The following PIPOX variants were observed in gnomAD, a reference collection of about 807,000 sequenced individuals.
The protein encoded by PIPOX is peroxisomal sarcosine oxidase.
Under a neutral mutation model 47.9 loss-of-function variants are expected in PIPOX, and 45 were observed. That is an observed-to-expected ratio of 0.94 (90% CI 0.74 to 1.20). PIPOX has a LOEUF of 1.20. Among genes scored for constraint, PIPOX ranks in the 50% most tolerant of loss-of-function variants. PIPOX has a pLI of 0.00. For missense variants in PIPOX, 458 were observed against 498.4 expected, an observed-to-expected ratio of 0.92 and a Z score of 0.77; for synonymous variants, 165 against 191.3, an observed-to-expected ratio of 0.86 and a Z score of 1.13.
intron 2 of PIPOX, among the ~76,000 whole-genome samples, chr17:29,048,748 G>A (rs2065794573): frequency 6.6e-6 from 1 of 152,226 alleles, no homozygotes. Context: ...TGTCTGGCTT[G>A]TCAGCCACAT....
intron 2 of PIPOX, among the ~76,000 whole-genome samples, chr17:29,051,446 T>C (rs1598238362): frequency 6.6e-6 from 1 of 152,140 alleles, no homozygotes; most frequent in African/African-American, 2.4e-5. Context: ...AAGCATGTAA[T>C]ATCCATGAGA....
intron 2 of PIPOX, 52 bp from the exon 3 acceptor site, chr17:29,052,868 A>G (rs770705232): frequency 8.5e-6 from 13 of 1,529,236 alleles, no homozygotes; most frequent in African/African-American, 1.4e-5. Flanking sequence ...TCGTCACATC[A>G]GGCCCAGGAT....
At chr17:29,048,817 G>A (rs1200569632) in intron 2 of PIPOX, among the ~76,000 whole-genome samples, 1 of 152,232 alleles carries the variant, frequency 6.6e-6, no homozygotes, top group Non-Finnish European at 1.5e-5. Flanking sequence ...AACGGAAGAT[G>A]AAATGCCTAG....
Position 29,056,356 on chromosome 17 carries a change from G to C in PIPOX, c.*51G>C. ...TGCACAGGAGCCAGTTTCACAGATGGAGAAGATGTCTCAGATGAAGGGAGT... is the reference window on the plus strand; with the variant it reads ...TGCACAGGAGCCAGTTTCACAGATGCAGAAGATGTCTCAGATGAAGGGAGT... On this transcript the variant is annotated 3_prime_UTR_variant, in exon 8 of 8. Transcript: ENST00000323372. The C allele has an allele frequency of 6.2e-7, 1 of 1,608,402 alleles. No homozygotes were observed. Among genetic ancestry groups the C allele is most frequent in the Non-Finnish European group, 8.5e-7 (1 of 1,175,408 alleles).
chr17:29,054,425 T>G, intron 4 of PIPOX, 120 bp from the exon 5 acceptor site: 52 of 964,706 alleles, frequency 5.4e-5, no homozygotes, highest in Middle Eastern at 2.2e-4. Flanking sequence ...CAAACATGGA[T>G]GAGTTCAACT....
At position 29,043,282 on chromosome 17, in the gene PIPOX, C is replaced by G; in HGVS notation, c.57C>G (p.Gly19=). Residue 19 remains glycine, a synonymous_variant, in exon 1 of 8, where the codon GGC becomes GGG. Transcript: ENST00000323372. ...DAIVIGAGIQ[G]CFTAYHLAKH... Reference sequence around the variant, plus strand: ...TTGTGATTGGGGCGGGGATCCAGGGCTGCTTCACTGCATACCACCTGGCCA... The same window carrying G: ...TTGTGATTGGGGCGGGGATCCAGGGGTGCTTCACTGCATACCACCTGGCCA... 1 of 1,613,810 alleles carries G rather than the reference C, an allele frequency of 6.2e-7. No homozygotes were observed. Among genetic ancestry groups the G allele is most frequent in the South Asian group, 1.1e-5 (1 of 91,044 alleles).
Position 29,054,562 on chromosome 17 carries a change from G to A in PIPOX, c.678G>A (p.Val226=), listed in dbSNP as rs943232291. Residue 226 remains valine, a synonymous_variant, in exon 5 of 8, where the codon GTG becomes GTA. Coordinates refer to ENST00000323372, the MANE Select transcript of PIPOX (RefSeq NM_016518.3). Reference sequence around the variant, plus strand: ...GCCTCAAGACCCTGCGGATCAACGTGTGTTACTGGCGAGAGATGGTTCCTG... The same window carrying A: ...GCCTCAAGACCCTGCGGATCAACGTATGTTACTGGCGAGAGATGGTTCCTG... ...EMPLQTLRIN[V]CYWREMVPGS... is the part of the protein sequence containing the mutation. 4.3e-6 allele frequency: 7 copies of A among 1,614,094 alleles called. No homozygotes were observed. The Admixed American group carries it at 5.0e-5, about 12-fold the overall frequency.
intron 3 of PIPOX, 90 bp downstream of exon 3, chr17:29,053,223 T>A: frequency 7.5e-7 from 1 of 1,338,054 alleles, no homozygotes. Context: ...CCCCTCTGGA[T>A]GAGGCCTTTG....
rs746843937 is a variant in PIPOX, at chr17:29,053,587, C to A, written c.652C>A (p.Pro218Thr). Residue 218 changes from proline (P) to threonine (T), a missense_variant, in exon 4 of 8, where the codon CCT (proline) becomes ACT (threonine). Pro to Thr is a conservative substitution (Grantham distance 38). Coordinates refer to ENST00000323372, the MANE Select transcript of PIPOX (RefSeq NM_016518.3). ...QLLRPLGIEM[P>T]LQTLRINVCY... ...CCTCCGTCCCCTGGGCATTGAGATG[C>A]CTCTCCAGGTAAGAGGAGCTGGAAG... 7 of 1,588,264 alleles carry A rather than the reference C, an allele frequency of 4.4e-6. No homozygotes were observed. The highest frequency in any genetic ancestry group is 6.0e-6 in the Non-Finnish European group (7 of 1,161,836).
At chr17:29,053,696 C>A (rs1284200952) in intron 4 of PIPOX, 101 bp downstream of exon 4, 1 of 805,760 alleles carries the variant, frequency 1.2e-6, no homozygotes, top group African/African-American at 1.7e-5. Flanking sequence ...TAGTGGACAA[C>A]CTTGGGCACA....
At chr17:29,049,777 T>G (rs981486178) in intron 2 of PIPOX, among the ~76,000 whole-genome samples, 2 of 152,226 alleles carry the variant, frequency 1.3e-5, no homozygotes, top group African/African-American at 4.8e-5. Context: ...TCAGCTGTGA[T>G]CCACGGAAAA....
intron 1 of PIPOX, among the ~76,000 whole-genome samples, chr17:29,043,809 T>G (rs973021454): frequency 5.3e-5 from 8 of 150,544 alleles, no homozygotes; most frequent in Non-Finnish European, 1.0e-4. Flanking sequence ...AAGCTTCTGT[T>G]TTTTTTTTTT....
At chr17:29,047,745 C>T (rs889885498) in intron 2 of PIPOX, among the ~76,000 whole-genome samples, 1 of 152,006 alleles carries the variant, frequency 6.6e-6, no homozygotes, top group African/African-American at 2.4e-5. Context: ...TGGACCAGAC[C>T]AAAACAAGCA....
chr17:29,046,613 A>C, intron 2 of PIPOX: 8 of 985,438 alleles, frequency 8.1e-6, no homozygotes, highest in Non-Finnish European at 9.6e-6. Flanking sequence ...TCCATTGAGC[A>C]ACAGTGGGAG....
intron 2 of PIPOX, among the ~76,000 whole-genome samples, chr17:29,047,630 C>T (rs2065790479): frequency 6.6e-6 from 1 of 152,146 alleles, no homozygotes; most frequent in African/African-American, 2.4e-5. Context: ...TATTTATAGA[C>T]ACTGAAATTT....
chr17:29,045,374 TAGA>T (rs1466510492), intron 2 of PIPOX, among the ~76,000 whole-genome samples: 2 of 146,658 alleles, frequency 1.4e-5, no homozygotes, highest in East Asian at 4.1e-4. Context: ...GGGGTTGAGA[TAGA>T]GGAGGAGGCT....
intron 2 of PIPOX, among the ~76,000 whole-genome samples, chr17:29,047,502 TAGTA>T (rs1174287942): frequency 6.6e-6 from 1 of 151,812 alleles, no homozygotes; most frequent in Non-Finnish European, 1.5e-5. Context: ...AATGGCCACG[TAGTA>T]AGTATCTTAG....
At chr17:29,046,733 C>G (rs1038743593) in intron 2 of PIPOX, 2 of 985,260 alleles carry the variant, frequency 2.0e-6, no homozygotes, top group African/African-American at 3.5e-5. Flanking sequence ...AGCGCACAAT[C>G]CTCCTCTTTG....
In PIPOX at chr17:29,044,902, G is replaced by A. The variant is rs138767877; in HGVS notation, c.158G>A (p.Arg53Gln). 11 of 1,613,918 alleles carry A rather than the reference G, an allele frequency of 6.8e-6. No homozygotes were observed. The highest frequency in any genetic ancestry group is 3.3e-5 in the Admixed American group (2 of 59,970). ...CGAGGAAGCTCCCATGGACAAAGCC[G>A]GATAATCCGAAAGGCGTACCTGGAA... ...HSRGSSHGQS[R>Q]IIRKAYLEDF... The change falls in exon 2 of 8, where the codon CGG (arginine) becomes CAG (glutamine). Residue 53 changes from arginine to glutamine, a missense_variant. Transcript: ENST00000323372.
Sources: allele counts gnomAD v4.1 joint callset (sites outside exome capture counted in the v4.1 genomes callset), GRCh38; gene constraint gnomAD v4.1.1; transcripts MANE v1.5; gene names NCBI Gene and HGNC (gene_info 2026-07-23, HGNC 2026-07-21).